RAI2: variants seen among roughly 807,000 people sequenced by gnomAD.
RAI2 encodes the protein retinoic acid induced 2, also known as retinoic acid-induced protein 2.
RAI2 carries 5 observed loss-of-function variants against 15.3 expected under a neutral mutation model. The ratio of observed to expected loss-of-function variants is 0.33; its 90% CI spans 0.17 to 0.69. RAI2 has a LOEUF of 0.69. Among genes scored for constraint, RAI2 ranks in the 30% least tolerant of loss-of-function variants. The pLI is 0.69. For missense variants in RAI2, 424 were observed against 424.7 expected (o/e 1.00, Z 0.01); for synonymous variants, 191 against 184.0 (o/e 1.04, Z -0.31).
At chrX:17,858,870 G>A (rs1265288000) in intron 1 of RAI2, among the ~76,000 whole-genome samples, 1 of 111,430 alleles carries the variant, frequency 9.0e-6, no homozygotes, top group Non-Finnish European at 1.9e-5. Flanking sequence ...GAACCCCCTC[G>A]GGTGGCTGAA....
chrX:17,808,917 C>T (rs1385536974), intron 1 of RAI2, among the ~76,000 whole-genome samples: 2 of 112,374 alleles, frequency 1.8e-5, no homozygotes, highest in Non-Finnish European at 3.8e-5. Context: ...TTTTACCATT[C>T]GGGACTTGAG....
At chrX:17,843,521 T>A (rs1191866420) in intron 1 of RAI2, among the ~76,000 whole-genome samples, 1 of 112,191 alleles carries the variant, frequency 8.9e-6, no homozygotes, top group Admixed American at 9.4e-5. Context: ...CATTGCATTA[T>A]CTTTTTATTA....
At chrX:17,850,866 T>A (rs1411058597) in intron 1 of RAI2, among the ~76,000 whole-genome samples, 1 of 112,954 alleles carries the variant, frequency 8.9e-6, no homozygotes, top group Non-Finnish European at 1.9e-5. Context: ...GTGGGAAAGA[T>A]CATTTTGGAA....
At chrX:17,854,595 A>G (rs778203465) in intron 1 of RAI2, among the ~76,000 whole-genome samples, 2 of 111,875 alleles carry the variant, frequency 1.8e-5, no homozygotes, top group African/African-American at 6.5e-5. Context: ...TTATAAGGGA[A>G]AAGTGGCCAT....
At chrX:17,848,203 T>C (rs187780509) in intron 1 of RAI2, among the ~76,000 whole-genome samples, 3 of 107,474 alleles carry the variant, frequency 2.8e-5, no homozygotes, top group African/African-American at 6.8e-5. Flanking sequence ...CTTTAGGAAG[T>C]GCTGCCTGGC....
chrX:17,807,740 C>T (rs760977717), intron 1 of RAI2, among the ~76,000 whole-genome samples: 1 of 111,882 alleles, frequency 8.9e-6, no homozygotes, highest in Non-Finnish European at 1.9e-5. Context: ...ATGCCCGCAA[C>T]CAACAAATAG....
intron 1 of RAI2, among the ~76,000 whole-genome samples, chrX:17,811,777 G>A (rs1467017198): frequency 9.0e-6 from 1 of 111,560 alleles, no homozygotes; most frequent in Non-Finnish European, 1.9e-5. Flanking sequence ...CTCACCCTGG[G>A]CCCTGGGCCC....
At chrX:17,804,085 G>C (rs1465107996) in intron 1 of RAI2, among the ~76,000 whole-genome samples, 1 of 110,461 alleles carries the variant, frequency 9.1e-6, no homozygotes, top group Non-Finnish European at 1.9e-5. Context: ...TCAGCCTCCC[G>C]AGTAGCTGGG....
rs113280437 is a variant in RAI2 at position 17,815,462 on chromosome X, A to AT, written c.-24-13429dup. 6.4e-3 allele frequency among the ~76,000 whole-genome samples: 714 copies of AT among 111,048 alleles called. 11 individuals are homozygous for AT. The highest frequency in any genetic ancestry group is 0.019 in the African/African-American group (591 of 30,461). On this transcript the variant is annotated intron_variant, in intron 1 of 1. Coordinates refer to ENST00000451717, the MANE Select transcript of RAI2 (RefSeq NM_021785.6). ...CCTCCTCACCTGTTCCACCTCAGGT[A>AT]TTTTTTTCCCTCTGAATTCCAGTCA... is the stretch of plus-strand genomic sequence containing the variant.
chrX:17,847,254 A>G (rs1201584621), intron 1 of RAI2, among the ~76,000 whole-genome samples: 2 of 112,166 alleles, frequency 1.8e-5, no homozygotes, highest in African/African-American at 6.5e-5. Context: ...GCACTCCTCT[A>G]CTTCGGTTCT....
intron 1 of RAI2, among the ~76,000 whole-genome samples, chrX:17,804,228 G>A (rs1164866324): frequency 2.7e-5 from 3 of 111,662 alleles, no homozygotes; most frequent in Non-Finnish European, 5.7e-5. Context: ...CCAAGTGCTG[G>A]GATTACAAGT....
At chrX:17,823,734 C>A (rs1347415576) in intron 1 of RAI2, among the ~76,000 whole-genome samples, 4 of 112,016 alleles carry the variant, frequency 3.6e-5, no homozygotes, top group African/African-American at 1.3e-4. Flanking sequence ...TTGAACGACC[C>A]AGATTCCCAG....
intron 1 of RAI2, among the ~76,000 whole-genome samples, chrX:17,805,653 A>G (rs146331464): frequency 0.012 from 1,325 of 112,560 alleles, 22 homozygotes; most frequent in African/African-American, 0.04. Flanking sequence ...AGGTGTGGGT[A>G]GAGGGGAGCA....
At chrX:17,810,001 G>C (rs2067027090) in intron 1 of RAI2, among the ~76,000 whole-genome samples, 1 of 111,210 alleles carries the variant, frequency 9.0e-6, no homozygotes, top group Non-Finnish European at 1.9e-5. Context: ...TGAACTCCTG[G>C]CCTCAAGTAA....
At chrX:17,833,740 G>A (rs985090799) in intron 1 of RAI2, among the ~76,000 whole-genome samples, 3 of 111,654 alleles carry the variant, frequency 2.7e-5, no homozygotes, top group Non-Finnish European at 3.8e-5. Context: ...AGATGAACTC[G>A]CTTTACTTAC....
intron 1 of RAI2, among the ~76,000 whole-genome samples, chrX:17,804,848 C>T (rs1346203111): frequency 8.9e-6 from 1 of 112,769 alleles, no homozygotes; most frequent in Non-Finnish European, 1.9e-5. Context: ...CCTGTGAAAC[C>T]TCAGTCCCTT....
intron 1 of RAI2, among the ~76,000 whole-genome samples, chrX:17,820,738 T>G (rs958283624): frequency 5.4e-5 from 6 of 111,243 alleles, no homozygotes; most frequent in African/African-American, 2.0e-4. Context: ...ATGGGGAAAA[T>G]GACACCTACT....
At chrX:17,829,307 A>G (rs965006313) in intron 1 of RAI2, among the ~76,000 whole-genome samples, 1 of 106,668 alleles carries the variant, frequency 9.4e-6, no homozygotes, top group African/African-American at 3.4e-5. Context: ...AAAGGTCTGT[A>G]ATGGTGTGGA....
intron 1 of RAI2, among the ~76,000 whole-genome samples, chrX:17,851,809 CA>C (rs1379836886): frequency 1.8e-5 from 2 of 111,448 alleles, no homozygotes; most frequent in Non-Finnish European, 3.8e-5. Context: ...CAAAACAAAA[CA>C]AAAAAAACAC....
Sources: gnomAD v4.1 joint callset for allele counts (sites outside exome capture counted in the v4.1 genomes callset) on GRCh38, gnomAD v4.1.1 for gene constraint, MANE v1.5 for transcripts, NCBI Gene and HGNC (gene_info 2026-07-23, HGNC 2026-07-21) for gene names.